Variants in CNTLN observed in about 807,000 individuals in gnomAD.
CNTLN encodes centlein, also known as centlein, centrosomal protein.
In CNTLN, 212 loss-of-function variants were observed where a neutral mutation model predicts 180.0. The ratio of observed to expected loss-of-function variants is 1.18; its 90% CI spans 1.05 to 1.32. The LOEUF (loss-of-function observed/expected upper bound fraction) is 1.32. CNTLN is among the 40% of genes most tolerant of loss of function. CNTLN has a pLI of 0.00. For missense variants in CNTLN, 2,095 were observed against 1,610.9 expected (o/e 1.30, Z -5.14); for synonymous variants, 722 against 563.1 (o/e 1.28, Z -3.99).
At chr9:17,288,060 T>C (rs1440100822) in intron 6 of CNTLN, among the ~76,000 whole-genome samples, 42 of 137,250 alleles carry the variant, frequency 3.1e-4, no homozygotes, top group African/African-American at 1.1e-3. Context: ...CTTTTGAATG[T>C]GTTTGGTCTT....
At chr9:17,422,201 A>T (rs532390896) in intron 18 of CNTLN, among the ~76,000 whole-genome samples, 4 of 152,108 alleles carry the variant, frequency 2.6e-5, no homozygotes, top group African/African-American at 9.7e-5. Flanking sequence ...AGCACTTTGA[A>T]TATGTCATGT....
the CNTLN span, among the ~76,000 whole-genome samples, chr9:17,526,778 T>C: frequency 6.6e-6 from 1 of 152,146 alleles, no homozygotes; most frequent in Non-Finnish European, 1.5e-5. Flanking sequence ...TTCCACTAAA[T>C]AATGATTATC....
rs151265225 is a variant in CNTLN at position 17,256,732 on chromosome 9, T to G, written c.850-17001T>G. Among the ~76,000 whole-genome samples, 242 of 152,092 alleles carry G rather than the reference T, an allele frequency of 1.6e-3. 1 individual carries two copies. The highest frequency in any genetic ancestry group is 5.6e-3 in the African/African-American group (233 of 41,554). ...CAGAAACAGAAAACAAAATGTCGTT[T>G]AAAAGTTACTTTTCTTGTACAACTC... On this transcript the variant is annotated intron_variant, in intron 5 of 25. Transcript: ENST00000380647.
chr9:17,290,005 A>C (rs1338624620), intron 6 of CNTLN, among the ~76,000 whole-genome samples: 11 of 152,046 alleles, frequency 7.2e-5, no homozygotes, highest in Non-Finnish European at 1.3e-4. Context: ...TTCTTCTCTC[A>C]GCTCGTCAGA....
At chr9:17,222,924 T>A (rs1038029786) in intron 2 of CNTLN, among the ~76,000 whole-genome samples, 1 of 152,060 alleles carries the variant, frequency 6.6e-6, no homozygotes, top group Non-Finnish European at 1.5e-5. Context: ...TACTTCTTTA[T>A]GCAAAATCAC....
At chr9:17,392,037 C>T (rs1826153007) in intron 14 of CNTLN, among the ~76,000 whole-genome samples, 1 of 152,100 alleles carries the variant, frequency 6.6e-6, no homozygotes, top group African/African-American at 2.4e-5. Flanking sequence ...ATTTTTGTAT[C>T]ACCAAAGTCA....
chr9:17,421,084 A>T (rs1828687093), intron 18 of CNTLN, among the ~76,000 whole-genome samples: 1 of 152,138 alleles, frequency 6.6e-6, no homozygotes, highest in African/African-American at 2.4e-5. Context: ...CATTTGGTTT[A>T]TAATGTAGAT....
At chr9:17,214,660 G>C (rs1287921170) in intron 2 of CNTLN, among the ~76,000 whole-genome samples, 1 of 152,074 alleles carries the variant, frequency 6.6e-6, no homozygotes, top group African/African-American at 2.4e-5. Flanking sequence ...TTTCCATCTT[G>C]GTTCCATTGT....
intron 2 of CNTLN, among the ~76,000 whole-genome samples, chr9:17,154,274 T>G (rs1053895232): frequency 2.0e-5 from 3 of 152,232 alleles, no homozygotes; most frequent in African/African-American, 7.2e-5. Flanking sequence ...TGCACTGTTT[T>G]TTCCCCATCT....
chr9:17,438,254 G>C (rs1288161570), intron 18 of CNTLN, among the ~76,000 whole-genome samples: 1 of 151,988 alleles, frequency 6.6e-6, no homozygotes, highest in Admixed American at 6.6e-5. Context: ...GAGATTGAAT[G>C]CAAGCAACTA....
intron 2 of CNTLN, among the ~76,000 whole-genome samples, chr9:17,146,974 C>T (rs531253764): frequency 6.6e-6 from 1 of 151,484 alleles, no homozygotes; most frequent in Non-Finnish European, 1.5e-5. Flanking sequence ...AAAAAATTTC[C>T]TTGTCTTTCT....
chr9:17,235,890 GA>G, intron 4 of CNTLN, 98 bp downstream of exon 4: 1 of 1,349,600 alleles, frequency 7.4e-7, no homozygotes, highest in South Asian at 1.5e-5. Context: ...AGATTTGGAG[GA>G]AAAATTGCCT....
chr9:17,477,127 C>G (rs1364504771), intron 23 of CNTLN, among the ~76,000 whole-genome samples: 1 of 152,120 alleles, frequency 6.6e-6, no homozygotes, highest in Non-Finnish European at 1.5e-5. Context: ...AATGACAACA[C>G]ATGTATTTAC....
At chr9:17,473,020 G>A (rs1219011652) in intron 23 of CNTLN, among the ~76,000 whole-genome samples, 1 of 151,940 alleles carries the variant, frequency 6.6e-6, no homozygotes, top group Non-Finnish European at 1.5e-5. Context: ...TTCCTCATAT[G>A]TCCCTTTGTC....
At chr9:17,340,390 G>GTTACGCCCTTATTCATACCACCACC (rs1821383814) in intron 10 of CNTLN, among the ~76,000 whole-genome samples, 1 of 152,036 alleles carries the variant, frequency 6.6e-6, no homozygotes, top group South Asian at 2.1e-4. Flanking sequence ...TATTAGTTAT[G>GTTACGCCCTTATTCATACCACCACC]AATTCATGTG....
intron 5 of CNTLN, among the ~76,000 whole-genome samples, chr9:17,236,811 AT>A (rs1825174405): frequency 6.6e-6 from 1 of 152,220 alleles, no homozygotes; most frequent in Non-Finnish European, 1.5e-5. Context: ...TCATTAAAAA[AT>A]AAAGGCTATT....
At chr9:17,348,887 G>C (rs982898769) in intron 12 of CNTLN, among the ~76,000 whole-genome samples, 1 of 152,028 alleles carries the variant, frequency 6.6e-6, no homozygotes, top group African/African-American at 2.4e-5. Context: ...TTTCCCCCTA[G>C]TTGATTATGG....
At chr9:17,160,329 A>G (rs1819592439) in intron 2 of CNTLN, among the ~76,000 whole-genome samples, 1 of 152,098 alleles carries the variant, frequency 6.6e-6, no homozygotes, top group Admixed American at 6.5e-5. Flanking sequence ...TTCATGTCCT[A>G]TGGTGCCCTT....
chr9:17,174,886 C>T (rs1225594550), intron 2 of CNTLN, among the ~76,000 whole-genome samples: 1 of 152,090 alleles, frequency 6.6e-6, no homozygotes. Context: ...TTTTAATTTG[C>T]ATTTCTCATG....
Sources: allele counts gnomAD v4.1 joint callset (sites outside exome capture counted in the v4.1 genomes callset), GRCh38; gene constraint gnomAD v4.1.1; transcripts MANE v1.5; gene names NCBI Gene and HGNC (gene_info 2026-07-23, HGNC 2026-07-21).